Variants in FBXO15 observed in about 807,000 individuals in gnomAD.
FBXO15 encodes the protein F-box only protein 15.
In FBXO15, 30 loss-of-function variants were observed where a neutral mutation model predicts 49.5. That is an observed-to-expected ratio of 0.61 (90% confidence interval 0.45 to 0.82). The LOEUF (loss-of-function observed/expected upper bound fraction) is 0.82, where lower values mean the gene tolerates loss of function less well. Among genes scored for constraint, FBXO15 ranks in the 40% least tolerant of loss-of-function variants. The pLI, the probability that FBXO15 is intolerant of heterozygous loss-of-function variation, is 0.00. For synonymous variants in FBXO15, 250 were observed against 232.7 expected (o/e 1.07, Z -0.68); for missense variants, 591 against 631.5 (o/e 0.94, Z 0.69).
At chr18:74,102,868 C>T (rs1015668572) in intron 8 of FBXO15, among the ~76,000 whole-genome samples, 1 of 152,090 alleles carries the variant, frequency 6.6e-6, no homozygotes, top group Non-Finnish European at 1.5e-5. Flanking sequence ...GAAAACCAAA[C>T]ATCACATGTT....
At chr18:74,105,287 G>A (rs1030553896) in intron 8 of FBXO15, among the ~76,000 whole-genome samples, 1 of 152,056 alleles carries the variant, frequency 6.6e-6, no homozygotes, top group Non-Finnish European at 1.5e-5. Flanking sequence ...AAAATAGTTA[G>A]AATTAAATAA....
At chr18:74,117,866 T>C (rs533547724) in intron 8 of FBXO15, among the ~76,000 whole-genome samples, 2 of 152,300 alleles carry the variant, frequency 1.3e-5, no homozygotes, top group Admixed American at 6.5e-5. Flanking sequence ...CAATAGTGAA[T>C]GGCGAGCCCT....
At chr18:74,128,979 C>A (rs1052058961) in intron 5 of FBXO15, among the ~76,000 whole-genome samples, 12 of 152,102 alleles carry the variant, frequency 7.9e-5, no homozygotes, top group African/African-American at 2.9e-4. Flanking sequence ...TGCACAAGAT[C>A]ACATATCTAG....
intron 8 of FBXO15, among the ~76,000 whole-genome samples, chr18:74,110,271 T>C (rs1913964695): frequency 6.7e-6 from 1 of 150,282 alleles, no homozygotes; most frequent in Admixed American, 6.7e-5. Flanking sequence ...GGGAGGAATT[T>C]GGATTATTTT....
At chr18:74,107,579 TAGCAACCAGTATA>T (rs1913826796) in intron 8 of FBXO15, among the ~76,000 whole-genome samples, 4 of 152,042 alleles carry the variant, frequency 2.6e-5, no homozygotes, top group Non-Finnish European at 5.9e-5. Flanking sequence ...AAAACCTCCA[TAGCAACCAGTATA>T]AAAAAAAGGG....
At chr18:74,096,125 GGC>G (rs1913262478) in intron 8 of FBXO15, among the ~76,000 whole-genome samples, 1 of 152,148 alleles carries the variant, frequency 6.6e-6, no homozygotes, top group Admixed American at 6.5e-5. Flanking sequence ...TGGGTTCCCT[GGC>G]AGGAGACCTG....
chr18:74,114,950 C>T (rs894235677), intron 8 of FBXO15, among the ~76,000 whole-genome samples: 16 of 152,258 alleles, frequency 1.1e-4, no homozygotes, highest in Non-Finnish European at 1.9e-4. Flanking sequence ...CCTTTTTATT[C>T]ACTATCAGGT....
chr18:74,123,224 G>T, intron 8 of FBXO15, 144 bp downstream of exon 8: 1 of 844,628 alleles, frequency 1.2e-6, no homozygotes. Context: ...ACAAGCCCTG[G>T]GATGACACAC....
chr18:74,099,135 AC>A (rs1437395485), intron 8 of FBXO15: 3 of 152,184 alleles, frequency 2.0e-5, no homozygotes, highest in Non-Finnish European at 2.9e-5. Context: ...AAGAAAAAAA[AC>A]AAAAGTTAAG....
At chr18:74,116,736 T>C (rs1445279736) in intron 8 of FBXO15, among the ~76,000 whole-genome samples, 1 of 152,174 alleles carries the variant, frequency 6.6e-6, no homozygotes, top group African/African-American at 2.4e-5. Flanking sequence ...AGCCTCTCTC[T>C]GTCCCTAACC....
chr18:74,123,297 C>A (rs185450412), intron 8 of FBXO15, 71 bp downstream of exon 8: 2 of 1,510,546 alleles, frequency 1.3e-6, no homozygotes, highest in Non-Finnish European at 1.8e-6. Flanking sequence ...ATTCTTAACT[C>A]GGACATCAAA....
intron 8 of FBXO15, among the ~76,000 whole-genome samples, chr18:74,088,356 T>C (rs1049670189): frequency 5.9e-5 from 9 of 152,258 alleles, no homozygotes; most frequent in African/African-American, 2.2e-4. Context: ...CAGTCTTCAA[T>C]ACATCTTGAG....
intron 5 of FBXO15, among the ~76,000 whole-genome samples, chr18:74,126,920 G>A (rs2145196136): frequency 6.6e-6 from 1 of 152,326 alleles, no homozygotes; most frequent in Non-Finnish European, 1.5e-5. Context: ...CAACAACTGG[G>A]TAAGGAGAGA....
At chr18:74,138,692 T>A (rs1978876333) in intron 2 of FBXO15, among the ~76,000 whole-genome samples, 1 of 152,058 alleles carries the variant, frequency 6.6e-6, no homozygotes, top group Non-Finnish European at 1.5e-5. Flanking sequence ...ATCTCAGCTG[T>A]AACCAGTCCA....
intron 1 of FBXO15, among the ~76,000 whole-genome samples, chr18:74,142,730 A>G (rs1394257028): frequency 6.6e-6 from 1 of 152,136 alleles, no homozygotes; most frequent in Admixed American, 6.5e-5. Flanking sequence ...ATCTTAACTA[A>G]TTATACCTGC....
chr18:74,093,521 G>T, intron 8 of FBXO15, among the ~76,000 whole-genome samples: 1 of 152,190 alleles, frequency 6.6e-6, no homozygotes, highest in East Asian at 1.9e-4. Context: ...GTGCTCAGGT[G>T]AGTCTGGCCT....
At chr18:74,099,140 A>G (rs568566929) in intron 8 of FBXO15, 1 of 152,274 alleles carries the variant, frequency 6.6e-6, no homozygotes, top group Non-Finnish European at 1.5e-5. Context: ...AAAAAACAAA[A>G]GTTAAGACAA....
At chr18:74,101,314 T>C (rs1343458492) in intron 8 of FBXO15, among the ~76,000 whole-genome samples, 1 of 152,156 alleles carries the variant, frequency 6.6e-6, no homozygotes, top group African/African-American at 2.4e-5. Context: ...AATCACATGA[T>C]CATCTCAGTA....
chr18:74,135,276 CCA>C (rs1230871473), intron 3 of FBXO15, among the ~76,000 whole-genome samples: 34 of 152,202 alleles, frequency 2.2e-4, no homozygotes, highest in Non-Finnish European at 3.4e-4. Flanking sequence ...TTCGCTCTCC[CCA>C]CAGAGTAAGT....
Sources: gnomAD v4.1 joint callset for allele counts (sites outside exome capture counted in the v4.1 genomes callset) on GRCh38, gnomAD v4.1.1 for gene constraint, MANE v1.5 for transcripts, NCBI Gene and HGNC (gene_info 2026-07-23, HGNC 2026-07-21) for gene names.